Variants in SEMA3A observed in about 807,000 individuals in gnomAD.
The protein encoded by SEMA3A is semaphorin 3A.
SEMA3A carries 29 observed loss-of-function variants against 97.9 expected under a neutral mutation model. The observed-to-expected ratio is 0.30, with a 90% CI of 0.22 to 0.40. The LOEUF is 0.40. SEMA3A is among the 10% of genes least tolerant of loss of function. The probability of loss-of-function intolerance (pLI) is 1.00; values close to 1 mark genes in which losing one functional copy is unlikely to be tolerated. For missense variants in SEMA3A, 763 were observed against 951.3 expected (o/e 0.80, Z 2.60); for synonymous variants, 321 against 323.7 (o/e 0.99, Z 0.09).
rs140041439 is a variant in SEMA3A at position 84,204,087 on chromosome 7, T to C, written c.-82-9419A>G. Among the ~76,000 whole-genome samples the C allele has an allele frequency of 3.9e-3, 592 of 152,310 alleles. 9 individuals carry two copies. Among genetic ancestry groups the C allele is most frequent in the African/African-American group, 0.014 (568 of 41,564 alleles). ...ATAGCCGGCGGACTATCACAGTATG[T>C]TACTCATATAGATAATAATCAAAAT... is the stretch of plus-strand genomic sequence containing the variant. On this transcript the variant is annotated intron_variant, in intron 3 of 3. Transcript: ENST00000424555.
intron 3 of SEMA3A, among the ~76,000 whole-genome samples, chr7:84,127,889 A>C (rs1795850752): frequency 1.6e-5 from 2 of 123,886 alleles, no homozygotes; most frequent in African/African-American, 6.0e-5. Context: ...ATCCTTTTAA[A>C]TACAGATAAA....
At chr7:84,259,539 G>GA (rs1335932617) in intron 3 of SEMA3A, among the ~76,000 whole-genome samples, 2 of 151,188 alleles carry the variant, frequency 1.3e-5, no homozygotes, top group East Asian at 3.9e-4. Flanking sequence ...ATACAACTGA[G>GA]AAAAAAAGGA....
intron 6 of SEMA3A, among the ~76,000 whole-genome samples, chr7:84,032,360 T>C (rs1351526732): frequency 6.6e-6 from 1 of 152,196 alleles, no homozygotes; most frequent in Non-Finnish European, 1.5e-5. Context: ...AACCTAATTA[T>C]ACTGATTGCT....
At chr7:84,404,583 A>T (rs1214394687) in intron 1 of SEMA3A, among the ~76,000 whole-genome samples, 1 of 152,176 alleles carries the variant, frequency 6.6e-6, no homozygotes, top group East Asian at 1.9e-4. Flanking sequence ...ACTCCAAGAC[A>T]CATAATTGTC....
chr7:84,373,759 G>A (rs1803031539), intron 1 of SEMA3A, among the ~76,000 whole-genome samples: 3 of 152,102 alleles, frequency 2.0e-5, no homozygotes, highest in Admixed American at 2.0e-4. Context: ...TGCAGAGGAA[G>A]TTAATAATAA....
chr7:84,250,922 T>C (rs888841694), intron 3 of SEMA3A, among the ~76,000 whole-genome samples: 1 of 152,188 alleles, frequency 6.6e-6, no homozygotes, highest in African/African-American at 2.4e-5. Context: ...TGTTTTCTAT[T>C]CAATTTGACA....
At chr7:84,330,698 AT>A (rs966372840) in intron 2 of SEMA3A, among the ~76,000 whole-genome samples, 1 of 151,270 alleles carries the variant, frequency 6.6e-6, no homozygotes, top group Non-Finnish European at 1.5e-5. Context: ...TTTTTTATTT[AT>A]TTTTTTGCAT....
intron 10 of SEMA3A, among the ~76,000 whole-genome samples, chr7:84,006,967 T>C (rs1790693349): frequency 1.3e-5 from 2 of 152,098 alleles, no homozygotes. Context: ...ATTAAGGTTA[T>C]AGAAATATCA....
At chr7:83,992,917 G>T (rs1332496886) in intron 12 of SEMA3A, among the ~76,000 whole-genome samples, 4 of 150,092 alleles carry the variant, frequency 2.7e-5, no homozygotes, top group East Asian at 2.0e-4. Context: ...TGACACTGGG[G>T]TGTTAAAGTC....
chr7:84,226,831 T>A (rs968966457), intron 3 of SEMA3A, among the ~76,000 whole-genome samples: 6 of 152,116 alleles, frequency 3.9e-5, no homozygotes, highest in Non-Finnish European at 8.8e-5. Flanking sequence ...TATTATTCTA[T>A]TCCTAATGGC....
At chr7:84,480,758 G>A (rs1166233896) in intron 1 of SEMA3A, among the ~76,000 whole-genome samples, 1 of 152,136 alleles carries the variant, frequency 6.6e-6, no homozygotes, top group South Asian at 2.1e-4. Flanking sequence ...ATTTAAGGAT[G>A]TCCTATCAAA....
chr7:84,365,576 GTAT>G (rs1294077879), intron 2 of SEMA3A, among the ~76,000 whole-genome samples: 6 of 151,524 alleles, frequency 4.0e-5, no homozygotes, highest in South Asian at 2.1e-4. Context: ...ATCTCATACT[GTAT>G]TATTATTATT....
intron 3 of SEMA3A, among the ~76,000 whole-genome samples, chr7:84,229,591 TGTCTTCAA>T (rs1314344033): frequency 6.6e-6 from 1 of 152,102 alleles, no homozygotes; most frequent in Non-Finnish European, 1.5e-5. Flanking sequence ...AGTTTTTCAG[TGTCTTCAA>T]GTCTTATATT....
intron 1 of SEMA3A, among the ~76,000 whole-genome samples, chr7:84,158,299 C>T (rs530602490): frequency 2.0e-5 from 3 of 151,812 alleles, no homozygotes; most frequent in Non-Finnish European, 4.4e-5. Context: ...TGACTACAGG[C>T]GCACACCACC....
chr7:84,386,053 A>C (rs1440349934), intron 1 of SEMA3A, among the ~76,000 whole-genome samples: 1 of 152,198 alleles, frequency 6.6e-6, no homozygotes, highest in East Asian at 1.9e-4. Flanking sequence ...TTATTGTATG[A>C]AATGTGTTTC....
At position 84,063,876 on chromosome 7, in the gene SEMA3A, C is replaced by G. The variant is rs1793362374; in HGVS notation, c.454-3318G>C. 4.0e-5 allele frequency among the ~76,000 whole-genome samples: 6 copies of G among 150,210 alleles called. No individual in the cohort carries two copies. The South Asian group carries it at 1.1e-3, about 27-fold the overall frequency. The stretch of plus-strand genomic sequence containing the variant: ...TATTATCCAGGAGAACTTCCCCAAT[C>G]TAGCAAGGCAAGCCAACATTGAGAT... On this transcript the variant is annotated intron_variant, in intron 4 of 16. Coordinates refer to ENST00000265362, the MANE Select transcript of SEMA3A (RefSeq NM_006080.3).
chr7:84,120,292 T>C (rs75865153), intron 3 of SEMA3A, among the ~76,000 whole-genome samples: 1,842 of 152,284 alleles, frequency 0.012, 35 homozygotes, highest in African/African-American at 0.042. Context: ...ATAAACTTAA[T>C]GACAAAGTTT....
chr7:84,110,721 A>T, intron 3 of SEMA3A, 132 bp from the exon 4 acceptor site: 1 of 959,272 alleles, frequency 1.0e-6, no homozygotes, highest in Non-Finnish European at 1.5e-6. Context: ...TCCCTTTCAC[A>T]ACATTTTAAG....
chr7:83,995,865 G>A (rs757447862), intron 12 of SEMA3A, among the ~76,000 whole-genome samples: 3 of 152,122 alleles, frequency 2.0e-5, no homozygotes, highest in Non-Finnish European at 4.4e-5. Flanking sequence ...TAAACACAAG[G>A]ACACTTTTTT....
Sources: allele counts gnomAD v4.1 joint callset (sites outside exome capture counted in the v4.1 genomes callset), GRCh38; gene constraint gnomAD v4.1.1; transcripts MANE v1.5; gene names NCBI Gene and HGNC (gene_info 2026-07-23, HGNC 2026-07-21).